The following RTL10 variants were observed in gnomAD, a reference collection of about 807,000 sequenced individuals.
The protein encoded by RTL10 is retrotransposon Gag like 10.
For synonymous variants in RTL10, 199 were observed against 188.4 expected, an observed-to-expected ratio of 1.06 and a Z score of -0.46; for missense variants, 477 against 470.7, an observed-to-expected ratio of 1.01 and a Z score of -0.12.
chr22:19,851,074 A>C lies in RTL10; in HGVS notation c.*93T>G. 1 of 1,468,830 alleles carries C rather than the reference A, an allele frequency of 6.8e-7. No individual in the cohort carries two copies. Among genetic ancestry groups the C allele is most frequent in the Non-Finnish European group, 9.0e-7 (1 of 1,108,968 alleles). The allele number at this position is 1,468,830 out of a possible 1,614,324, so 91.0% of individuals were successfully genotyped here. A position where few individuals can be genotyped will look rare whatever the true frequency, so the allele number is the denominator to read the frequency against. On this transcript the variant is annotated 3_prime_UTR_variant, in exon 3 of 3. Coordinates refer to ENST00000328554, the MANE Select transcript of RTL10 (RefSeq NM_024627.6). ...CTATGGGGTCTGAAGTCATCTGGGGACACCACTCTGCTCTGACTGGGGACT... is the reference window on the plus strand; with the variant it reads ...CTATGGGGTCTGAAGTCATCTGGGGCCACCACTCTGCTCTGACTGGGGACT...
rs886948202 is a variant in RTL10, at chr22:19,849,108, G to T, written c.*2059C>A. ...ATGGGGCTGGGCCAGGACATCCAGG[G>T]ACTTCTCACATCTGACCAGAATCAA... On this transcript the variant is annotated 3_prime_UTR_variant, in exon 3 of 3. Transcript: ENST00000328554. 3.1e-5 allele frequency: 31 copies of T among 985,304 alleles called. No individual in the cohort carries two copies. The highest frequency in any genetic ancestry group is 5.2e-4 in the Middle Eastern group (1 of 1,936). 61.0% of individuals were successfully genotyped at this position (985,304 alleles called of 1,614,324 possible). A position where few individuals can be genotyped will look rare whatever the true frequency, so the allele number is the denominator to read the frequency against.
chr22:19,852,163 C>T lies in RTL10; in HGVS notation c.99G>A (p.Ala33=), dbSNP rs768559016. 39 of 1,613,972 alleles carry T rather than the reference C, an allele frequency of 2.4e-5. No homozygotes were observed. Among genetic ancestry groups the T allele is most frequent in the African/African-American group, 4.0e-5 (3 of 74,940 alleles). Residue 33 remains alanine (A), a synonymous_variant, in exon 3 of 3, where the codon GCG becomes GCA. Transcript: ENST00000328554. ...NAHPWQQMDK[A]SPGVAYTPLV... Reference sequence around the variant, plus strand: ...GGGGGGTGTATGCCACCCCAGGAGACGCCTTGTCCATCTGCTGCCATGGAT... The same window carrying T: ...GGGGGGTGTATGCCACCCCAGGAGATGCCTTGTCCATCTGCTGCCATGGAT...
At position 19,847,962 on chromosome 22, in the gene RTL10, T is replaced by A; in HGVS notation, c.*3205A>T. On this transcript the variant is annotated 3_prime_UTR_variant, in exon 3 of 3. Transcript: ENST00000328554. Reference sequence around the variant, plus strand: ...AGGGCCAACTGCTTTTACTGAATAATCCATTTTACTCGTTAATTGGAAACA... The same window carrying A: ...AGGGCCAACTGCTTTTACTGAATAAACCATTTTACTCGTTAATTGGAAACA... 2.0e-6 allele frequency: 2 copies of A among 985,354 alleles called. No individual in the cohort carries two copies. Among genetic ancestry groups the A allele is most frequent in the Non-Finnish European group, 2.4e-6 (2 of 829,872 alleles). The allele number at this position is 985,354 out of a possible 1,614,324, so 61.0% of individuals were successfully genotyped here. A position where few individuals can be genotyped will look rare whatever the true frequency, so the allele number is the denominator to read the frequency against.
In RTL10 at chr22:19,847,482, C is replaced by G. The variant is rs1479292550; in HGVS notation, c.*3685G>C. On this transcript the variant is annotated 3_prime_UTR_variant, in exon 3 of 3. Coordinates refer to ENST00000328554, the MANE Select transcript of RTL10 (RefSeq NM_024627.6). ...TGCATGGGCATCATTCTCATTCAAC[C>G]CTTCTAACCACCCCATGAGGAAAAA... 2 of 985,434 alleles carry G rather than the reference C, an allele frequency of 2.0e-6. No individual in the cohort carries two copies. Among genetic ancestry groups the G allele is most frequent in the Non-Finnish European group, 2.4e-6 (2 of 829,954 alleles). 61.0% of individuals were successfully genotyped at this position (985,434 alleles called of 1,614,324 possible).
intron 2 of RTL10, among the ~76,000 whole-genome samples, chr22:19,853,026 C>T (rs544463675): frequency 2.0e-5 from 3 of 152,294 alleles, no homozygotes; most frequent in South Asian, 4.1e-4. Flanking sequence ...GGCTCTTTTA[C>T]ATCCCAGCAC....
chr22:19,850,943 A>T lies in RTL10; in HGVS notation c.*224T>A, dbSNP rs1938079553. 7.3e-7 allele frequency: 1 copy of T among 1,371,610 alleles called. No individual in the cohort carries two copies. The highest frequency in any genetic ancestry group is 1.5e-5 in the African/African-American group (1 of 68,670). 85.0% of individuals were successfully genotyped at this position (1,371,610 alleles called of 1,614,324 possible). On this transcript the variant is annotated 3_prime_UTR_variant, in exon 3 of 3. Transcript: ENST00000328554. ...CAGAAGACGGGCAGGGATGCAGCAG[A>T]GAGCCAGCAGCAGGGAAAGGGCACA...
rs1344565289 is a variant in RTL10 at position 19,851,648 on chromosome 22, A to G, written c.614T>C (p.Val205Ala). 6.3e-7 allele frequency: 1 copy of G among 1,594,312 alleles called. No homozygotes were observed. Among genetic ancestry groups the G allele is most frequent in the East Asian group, 2.2e-5 (1 of 44,560 alleles). The change falls in exon 3 of 3, where the codon GTG (valine) becomes GCG (alanine). Residue 205 changes from valine to alanine, a missense_variant. Val to Ala is a moderately conservative substitution (Grantham distance 64, BLOSUM62 0). Coordinates refer to ENST00000328554, the MANE Select transcript of RTL10 (RefSeq NM_024627.6). ...PLPLASSQLP[V>A]APQLPVVRQY... is the part of the protein sequence containing the mutation. Reference sequence around the variant, plus strand: ...CCTCACCACAGGCAGCTGAGGGGCCACTGGCAGCTGGCTGGAGGCCAGGGG... The same window carrying G: ...CCTCACCACAGGCAGCTGAGGGGCCGCTGGCAGCTGGCTGGAGGCCAGGGG...
At position 19,848,289 on chromosome 22, in the gene RTL10, C is replaced by CCTGA; in HGVS notation, c.*2874_*2877dup. The stretch of plus-strand genomic sequence containing the variant: ...AGCAGAGCCAGCACCATGGCCCGTC[C>CCTGA]CTGAGCATGTCCAGCAAACCCTGCC... On this transcript the variant is annotated 3_prime_UTR_variant, in exon 3 of 3. Coordinates refer to ENST00000328554, the MANE Select transcript of RTL10 (RefSeq NM_024627.6). 2 of 985,432 alleles carry CCTGA rather than the reference C, an allele frequency of 2.0e-6. No individual in the cohort carries two copies. Among genetic ancestry groups the CCTGA allele is most frequent in the Non-Finnish European group, 2.4e-6 (2 of 829,948 alleles). The allele number at this position is 985,432 out of a possible 1,614,324, so 61.0% of individuals were successfully genotyped here.
rs1938027760 is a variant in RTL10 at position 19,848,890 on chromosome 22, A to T, written c.*2277T>A. On this transcript the variant is annotated 3_prime_UTR_variant, in exon 3 of 3. Coordinates refer to ENST00000328554, the MANE Select transcript of RTL10 (RefSeq NM_024627.6). ...TGGCCTGTCCAGAAGCCTGTGGGAC[A>T]GGGTAAAGGTCAGCTGGGTGACTAG... is the stretch of plus-strand genomic sequence containing the variant. 1 of 985,266 alleles carries T rather than the reference A, an allele frequency of 1.0e-6. No homozygotes were observed. The highest frequency in any genetic ancestry group is 1.2e-6 in the Non-Finnish European group (1 of 829,878). The allele number at this position is 985,266 out of a possible 1,614,324, so 61.0% of individuals were successfully genotyped here.
At position 19,851,367 on chromosome 22, in the gene RTL10, G is replaced by A; in HGVS notation, c.895C>T (p.Pro299Ser). The A allele has an allele frequency of 1.2e-6, 2 of 1,614,164 alleles. No individual in the cohort carries two copies. Among genetic ancestry groups the A allele is most frequent in the Non-Finnish European group, 1.7e-6 (2 of 1,180,014 alleles). ...SSQPEEAAPT[P>S]VPRLSESANP... ...GCTGACTCCGACAGTCTAGGGACAG[G>A]TGTGGGGGCTGCCTCCTCTGGCTGG... is the stretch of plus-strand genomic sequence containing the variant. Residue 299 changes from proline to serine, a missense_variant, in exon 3 of 3, where the codon CCT becomes TCT. By Grantham distance (74) the Pro-to-Ser change is moderately conservative (BLOSUM62 -1). Coordinates refer to ENST00000328554, the MANE Select transcript of RTL10 (RefSeq NM_024627.6).
Position 19,847,803 on chromosome 22 carries a change from GCAAA to G in RTL10, c.*3360_*3363del, listed in dbSNP as rs1403814453. The stretch of plus-strand genomic sequence containing the variant: ...AACTTTTAAAATCCTGGAATCATAG[GCAAA>G]AAAAAAAAAAAAAAAAAATTCACCC... On this transcript the variant is annotated 3_prime_UTR_variant, in exon 3 of 3. Transcript: ENST00000328554. The G allele has an allele frequency of 6.8e-6, 3 of 440,434 alleles. No individual in the cohort carries two copies. Among genetic ancestry groups the G allele is most frequent in the South Asian group, 9.3e-5 (1 of 10,800 alleles). The allele number at this position is 440,434 out of a possible 1,614,324, so 27.3% of individuals were successfully genotyped here. A position where few individuals can be genotyped will look rare whatever the true frequency, so the allele number is the denominator to read the frequency against.
Position 19,847,027 on chromosome 22 carries a change from C to A in RTL10, c.*4140G>T. The A allele has an allele frequency of 1.0e-6, 1 of 985,484 alleles. No homozygotes were observed. The allele number at this position is 985,484 out of a possible 1,614,324, so 61.0% of individuals were successfully genotyped here. On this transcript the variant is annotated 3_prime_UTR_variant, in exon 3 of 3. Coordinates refer to ENST00000328554, the MANE Select transcript of RTL10 (RefSeq NM_024627.6). ...TTGTACTTCTCCATACTGAGCACCC[C>A]AGCCCATAGGATGATCAGCTGCTGC...
At position 19,847,940 on chromosome 22, in the gene RTL10, G is replaced by A. The variant is rs546789419; in HGVS notation, c.*3227C>T. 2 of 985,012 alleles carry A rather than the reference G, an allele frequency of 2.0e-6. No individual in the cohort carries two copies. Among genetic ancestry groups the A allele is most frequent in the Non-Finnish European group, 2.4e-6 (2 of 829,708 alleles). 61.0% of individuals were successfully genotyped at this position (985,012 alleles called of 1,614,324 possible). A position where few individuals can be genotyped will look rare whatever the true frequency, so the allele number is the denominator to read the frequency against. On this transcript the variant is annotated 3_prime_UTR_variant, in exon 3 of 3. Coordinates refer to ENST00000328554, the MANE Select transcript of RTL10 (RefSeq NM_024627.6). The stretch of plus-strand genomic sequence containing the variant: ...ACATGGCTTTACTATTTTCCAGAGG[G>A]CCAACTGCTTTTACTGAATAATCCA...
In RTL10 at chr22:19,846,783, G is replaced by A. The variant is rs1421159375; in HGVS notation, c.*4384C>T. ...AAGAAGATGGCTATCTGCAGGCCAA[G>A]GAGCGAGGCCTCAGGAGAAACCAAC... On this transcript the variant is annotated 3_prime_UTR_variant, in exon 3 of 3. Coordinates refer to ENST00000328554, the MANE Select transcript of RTL10 (RefSeq NM_024627.6). 1.9e-5 allele frequency: 8 copies of A among 430,406 alleles called. No homozygotes were observed. Among genetic ancestry groups the A allele is most frequent in the Non-Finnish European group, 2.5e-5 (8 of 322,514 alleles). 26.7% of individuals were successfully genotyped at this position (430,406 alleles called of 1,614,324 possible).
Position 19,852,195 on chromosome 22 carries a change from T to C in RTL10, c.67A>G (p.Asn23Asp), listed in dbSNP as rs764888651. ...IPIWAAANYA[N>D]AHPWQQMDKA... is the part of the protein sequence containing the mutation. ...TCCATCTGCTGCCATGGATGTGCGT[T>C]GGCATAATTGGCGGCTGCCCAGATG... The change falls in exon 3 of 3, where the codon AAC becomes GAC. Residue 23 changes from asparagine (N) to aspartate (D), a missense_variant. By Grantham distance (23) the Asn-to-Asp change is conservative. Transcript: ENST00000328554. The C allele has an allele frequency of 1.9e-6, 3 of 1,613,706 alleles. No homozygotes were observed. The African/African-American group carries it at 4.0e-5, about 22-fold the overall frequency.
intron 2 of RTL10, among the ~76,000 whole-genome samples, chr22:19,853,362 G>A (rs1938154892): frequency 6.6e-6 from 1 of 152,140 alleles, no homozygotes; most frequent in African/African-American, 2.4e-5. Context: ...TCACCTAGGA[G>A]GCTCCAGAGC....
At position 19,851,603 on chromosome 22, in the gene RTL10, A is replaced by G. The variant is rs778085955; in HGVS notation, c.659T>C (p.Leu220Ser). 21 of 1,597,926 alleles carry G rather than the reference A, an allele frequency of 1.3e-5. No individual in the cohort carries two copies. Among genetic ancestry groups the G allele is most frequent in the Non-Finnish European group, 1.7e-5 (20 of 1,170,164 alleles). The part of the protein sequence containing the change: ...PVVRQYLARF[L>S]EGLALDMGTA... ...ACCCATGTCGAGTGCCAGGCCCTCT[A>G]AGAACCTAGCTAAGTATTGCCTCAC... Residue 220 changes from leucine (L) to serine (S), a missense_variant, in exon 3 of 3, where the codon TTA becomes TCA. Transcript: ENST00000328554.
At chr22:19,853,593 C>A (rs978035655) in intron 2 of RTL10, among the ~76,000 whole-genome samples, 1 of 152,188 alleles carries the variant, frequency 6.6e-6, no homozygotes, top group Non-Finnish European at 1.5e-5. Context: ...TGCTGGCCAT[C>A]CCCCCTCAGG....
Position 19,850,656 on chromosome 22 carries a change from G to C in RTL10, c.*511C>G. 1 of 1,228,394 alleles carries C rather than the reference G, an allele frequency of 8.1e-7. No individual in the cohort carries two copies. The highest frequency in any genetic ancestry group is 1.0e-6 in the Non-Finnish European group (1 of 986,538). 76.1% of individuals were successfully genotyped at this position (1,228,394 alleles called of 1,614,324 possible). On this transcript the variant is annotated 3_prime_UTR_variant, in exon 3 of 3. Transcript: ENST00000328554. ...TCAAAGTGGCCACTTCCTCCAGGCA[G>C]CCTTCCTCACATTCCAGCTGGGACA...
Sources: gnomAD v4.1 joint callset for allele counts (sites outside exome capture counted in the v4.1 genomes callset) on GRCh38, gnomAD v4.1.1 for gene constraint, MANE v1.5 for transcripts, NCBI Gene and HGNC (gene_info 2026-07-23, HGNC 2026-07-21) for gene names.